The following DIP2C variants were observed in gnomAD, a reference collection of about 807,000 sequenced individuals.
DIP2C encodes DIP2 acetate--CoA ligase C (putative), also known as disco-interacting protein 2 homolog C.
DIP2C carries 33 observed loss-of-function variants against 192.4 expected under a neutral mutation model. The observed-to-expected ratio is 0.17, with a 90% CI of 0.13 to 0.23. DIP2C has a LOEUF of 0.23. DIP2C is among the 10% of genes least tolerant of loss of function. The pLI, the probability that DIP2C is intolerant of heterozygous loss-of-function variation, is 1.00. For synonymous variants in DIP2C, 979 were observed against 864.1 expected, an observed-to-expected ratio of 1.13 and a Z score of -2.33; for missense variants, 1,537 against 2,110.1, an observed-to-expected ratio of 0.73 and a Z score of 5.32.
intron 1 of DIP2C, among the ~76,000 whole-genome samples, chr10:612,563 A>G (rs1853169185): frequency 2.6e-5 from 4 of 152,194 alleles, no homozygotes. Flanking sequence ...AAGAACAGAG[A>G]TGCCCAAAAT....
At chr10:637,779 A>T (rs1254060158) in intron 1 of DIP2C, among the ~76,000 whole-genome samples, 1 of 152,236 alleles carries the variant, frequency 6.6e-6, no homozygotes, top group East Asian at 1.9e-4. Context: ...CAATCCACAC[A>T]GTTCTCCCAA....
intron 1 of DIP2C, among the ~76,000 whole-genome samples, chr10:673,294 C>T (rs1201597281): frequency 6.6e-6 from 1 of 152,208 alleles, no homozygotes; most frequent in Non-Finnish European, 1.5e-5. Flanking sequence ...GCGATGAATT[C>T]CTAACCATTT....
intron 1 of DIP2C, among the ~76,000 whole-genome samples, chr10:679,782 G>A (rs958950769): frequency 6.6e-6 from 1 of 151,878 alleles, no homozygotes; most frequent in Admixed American, 6.5e-5. Flanking sequence ...CGTGCTCCCC[G>A]CACTGCGTTC....
At chr10:510,448 T>C (rs910310411) in intron 1 of DIP2C, among the ~76,000 whole-genome samples, 7 of 152,240 alleles carry the variant, frequency 4.6e-5, no homozygotes, top group Non-Finnish European at 1.0e-4. Flanking sequence ...GCAGGTGCAC[T>C]GCCGTATGTG....
intron 1 of DIP2C, among the ~76,000 whole-genome samples, chr10:671,917 GCACGGAAGGAGGAAACAGGCCACAGACA>G (rs1564330292): frequency 1.3e-4 from 15 of 117,250 alleles, no homozygotes; most frequent in African/African-American, 2.4e-4. Flanking sequence ...AGCCACAGAC[GCACGGAAGGAGGAAACAGGCCACAGACA>G]CACGGAAGGA....
At chr10:318,006 G>A (rs978300041) in intron 31 of DIP2C, among the ~76,000 whole-genome samples, 12 of 152,330 alleles carry the variant, frequency 7.9e-5, no homozygotes, top group Admixed American at 3.3e-4. Flanking sequence ...GGTAATTCCA[G>A]AGGCTTCGGC....
At chr10:634,357 T>C (rs554937699) in intron 1 of DIP2C, among the ~76,000 whole-genome samples, 1 of 152,196 alleles carries the variant, frequency 6.6e-6, no homozygotes, top group African/African-American at 2.4e-5. Context: ...TACACTAAAC[T>C]ACTTGTCCAG....
At position 355,293 on chromosome 10, in the gene DIP2C, G is replaced by A. The variant is rs186157597; in HGVS notation, c.2985+1133C>T. On this transcript the variant is annotated intron_variant, in intron 24 of 36. Transcript: ENST00000280886. ...ATCCGTGACAACGTCAAGACGACAC[G>A]CGCTTCTCTGGCAGAGGAGGAGGAG... Among the ~76,000 whole-genome samples the A allele has an allele frequency of 2.5e-4, 38 of 152,334 alleles. 1 individual carries two copies. The East Asian group carries it at 6.0e-3, about 24-fold the overall frequency.
chr10:649,530 A>T (rs572625951), intron 1 of DIP2C, among the ~76,000 whole-genome samples: 1 of 152,366 alleles, frequency 6.6e-6, no homozygotes, highest in African/African-American at 2.4e-5. Flanking sequence ...ACTGTAAAAT[A>T]ATATAATTTC....
At chr10:556,389 G>A (rs900831800) in intron 1 of DIP2C, among the ~76,000 whole-genome samples, 1 of 95,288 alleles carries the variant, frequency 1.0e-5, no homozygotes, top group African/African-American at 4.6e-5. Context: ...CCTGGGCCCC[G>A]CTGCGCACAC....
chr10:284,716 A>G (rs1347784561), intron 34 of DIP2C, among the ~76,000 whole-genome samples: 2 of 152,216 alleles, frequency 1.3e-5, no homozygotes, highest in Non-Finnish European at 2.9e-5. Flanking sequence ...TTGAAATTTG[A>G]TAACAGAATA....
chr10:683,025 G>C (rs912307106), intron 1 of DIP2C, among the ~76,000 whole-genome samples: 5 of 152,192 alleles, frequency 3.3e-5, no homozygotes, highest in African/African-American at 1.2e-4. Context: ...TTAGTAAAAA[G>C]TTATCTCAAT....
chr10:508,103 T>G (rs1845752001), intron 1 of DIP2C, among the ~76,000 whole-genome samples: 1 of 149,440 alleles, frequency 6.7e-6, no homozygotes, highest in African/African-American at 2.4e-5. Flanking sequence ...CTCAGCCACC[T>G]TCCCCCAACG....
chr10:554,998 A>G (rs1476131986), intron 1 of DIP2C, among the ~76,000 whole-genome samples: 1 of 152,202 alleles, frequency 6.6e-6, no homozygotes, highest in Non-Finnish European at 1.5e-5. Flanking sequence ...CAGTACAGAA[A>G]TATCACAAAG....
intron 6 of DIP2C, 85 bp downstream of exon 6, chr10:418,980 G>T: frequency 1.3e-6 from 2 of 1,575,396 alleles, no homozygotes; most frequent in Admixed American, 1.7e-5. Context: ...ACCCCAGGAA[G>T]AAACACATCC....
At chr10:515,792 GCAAT>G (rs1846314023) in intron 1 of DIP2C, among the ~76,000 whole-genome samples, 1 of 151,976 alleles carries the variant, frequency 6.6e-6, no homozygotes, top group African/African-American at 2.4e-5. Flanking sequence ...CCCAACCCAA[GCAAT>G]CACACGGCAA....
In DIP2C at chr10:532,345, CA is replaced by C. The variant is rs758357416; in HGVS notation, c.86-45816del. Among the ~76,000 whole-genome samples, 101 of 152,300 alleles carry C rather than the reference CA, an allele frequency of 6.6e-4. No individual in the cohort carries two copies. The Middle Eastern group carries it at 0.01, about 15-fold the overall frequency. On this transcript the variant is annotated intron_variant, in intron 1 of 36. Transcript: ENST00000280886. ...TAAGCCACTCCCTCTCTCCCCTGGA[CA>C]GACCCTTCTCAAACCATGAGGCCCA...
At chr10:348,808 G>A in intron 25 of DIP2C, 46 bp from the exon 26 acceptor site, 3 of 1,607,466 alleles carry the variant, frequency 1.9e-6, no homozygotes, top group Non-Finnish European at 2.5e-6. Context: ...CCACGCTGCT[G>A]AGTGCACACT....
At chr10:671,361 G>A (rs1382409507) in intron 1 of DIP2C, among the ~76,000 whole-genome samples, 1 of 142,058 alleles carries the variant, frequency 7.0e-6, no homozygotes, top group Non-Finnish European at 1.5e-5. Context: ...ACAGACGCAC[G>A]GACGGAGGAA....
Sources: allele counts gnomAD v4.1 joint callset (sites outside exome capture counted in the v4.1 genomes callset), GRCh38; gene constraint gnomAD v4.1.1; transcripts MANE v1.5; gene names NCBI Gene and HGNC (gene_info 2026-07-23, HGNC 2026-07-21).